The following KCNH5 variants were observed in gnomAD, a reference collection of about 807,000 sequenced individuals.
KCNH5 encodes potassium voltage-gated channel subfamily H member 5, also known as voltage-gated delayed rectifier potassium channel KCNH5.
A neutral mutation model predicts 96.1 loss-of-function variants in KCNH5; 46 were observed. That is an observed-to-expected ratio of 0.48 (90% CI 0.38 to 0.61). The LOEUF is 0.61. Among genes scored for constraint, KCNH5 ranks in the 20% least tolerant of loss-of-function variants. The pLI, the probability that KCNH5 is intolerant of heterozygous loss-of-function variation, is 0.00. For synonymous variants in KCNH5, 439 were observed against 449.8 expected (o/e 0.98, Z 0.30); for missense variants, 907 against 1,225.8 (o/e 0.74, Z 3.88).
chr14:63,030,670 T>C (rs1337362630), intron 1 of KCNH5, among the ~76,000 whole-genome samples: 1 of 152,168 alleles, frequency 6.6e-6, no homozygotes, highest in African/African-American at 2.4e-5. Context: ...GCATCAATAC[T>C]TATTGTTAAG....
At chr14:62,763,280 G>A (rs1250243372) in intron 10 of KCNH5, among the ~76,000 whole-genome samples, 1 of 152,040 alleles carries the variant, frequency 6.6e-6, no homozygotes, top group African/African-American at 2.4e-5. Context: ...TAAACAACCT[G>A]CTCCTGAATA....
rs1339142578 is a variant in KCNH5 at position 62,702,523 on chromosome 14, A to T, written c.*4985T>A. 6.6e-6 allele frequency: 1 copy of T among 152,026 alleles called. No homozygotes were observed. 9.4% of individuals were successfully genotyped at this position (152,026 alleles called of 1,614,324 possible). The stretch of plus-strand genomic sequence containing the variant: ...ATGTAACAAGTATGCCATCCTGGAC[A>T]AGTTCCTTAACCTATACCTTCATGG... On this transcript the variant is annotated 3_prime_UTR_variant, in exon 11 of 11. Coordinates refer to ENST00000322893, the MANE Select transcript of KCNH5 (RefSeq NM_139318.5).
At chr14:62,754,153 T>C (rs1442074039) in intron 10 of KCNH5, among the ~76,000 whole-genome samples, 1 of 152,192 alleles carries the variant, frequency 6.6e-6, no homozygotes, top group East Asian at 1.9e-4. Context: ...TATCTGTTTG[T>C]TTGCAATCAG....
At position 62,950,315 on chromosome 14, in the gene KCNH5, A is replaced by G. The variant is rs369344820; in HGVS notation, c.1187T>C (p.Ile396Thr). 3.7e-6 allele frequency: 6 copies of G among 1,613,884 alleles called. No individual in the cohort carries two copies. Among genetic ancestry groups the G allele is most frequent in the Middle Eastern group, 1.6e-4 (1 of 6,082 alleles). ...DSWLYQLALS[I>T]GTPYRYNTSA... ...GGTATTGTAGCGATATGGAGTCCCAATGCTCAAAGCCAGCTGGTAGAGCCA... is the reference window on the plus strand; with the variant it reads ...GGTATTGTAGCGATATGGAGTCCCAGTGCTCAAAGCCAGCTGGTAGAGCCA... The change falls in exon 7 of 11, where the codon ATT (isoleucine) becomes ACT (threonine). Residue 396 changes from isoleucine to threonine, a missense_variant. By Grantham distance (89) the Ile-to-Thr change is moderately conservative. Around this residue, in one of 6 missense-constraint regions of KCNH5, gnomAD observed 370 missense variants for 561.3 expected, o/e 0.66. Coordinates refer to ENST00000322893, the MANE Select transcript of KCNH5 (RefSeq NM_139318.5).
At chr14:62,923,050 A>T (rs1889408594) in intron 7 of KCNH5, among the ~76,000 whole-genome samples, 1 of 151,942 alleles carries the variant, frequency 6.6e-6, no homozygotes, top group South Asian at 2.1e-4. Context: ...ACAGAAAAAC[A>T]TATATCTTAT....
chr14:62,990,725 G>A (rs1431340507), intron 4 of KCNH5, among the ~76,000 whole-genome samples: 2 of 151,924 alleles, frequency 1.3e-5, no homozygotes, highest in East Asian at 3.9e-4. Context: ...GTATTAGTCC[G>A]TTCTCATGCT....
At chr14:62,924,446 TAATCCAGC>T (rs776792694) in intron 7 of KCNH5, among the ~76,000 whole-genome samples, 51 of 152,092 alleles carry the variant, frequency 3.4e-4, no homozygotes, top group Non-Finnish European at 6.0e-4. Flanking sequence ...AACCACCATA[TAATCCAGC>T]AATCCCACTT....
intron 10 of KCNH5, among the ~76,000 whole-genome samples, chr14:62,778,315 A>G (rs1186680381): frequency 6.7e-6 from 1 of 149,768 alleles, no homozygotes; most frequent in Non-Finnish European, 1.5e-5. Flanking sequence ...AAATAACACA[A>G]ATACTGTATT....
At chr14:62,901,098 C>G (rs1357224557) in intron 7 of KCNH5, among the ~76,000 whole-genome samples, 3 of 152,172 alleles carry the variant, frequency 2.0e-5, no homozygotes, top group South Asian at 2.1e-4. Context: ...AAGCACTACT[C>G]CTGCCTCAGC....
At chr14:62,761,371 A>T (rs2139956131) in intron 10 of KCNH5, among the ~76,000 whole-genome samples, 1 of 151,434 alleles carries the variant, frequency 6.6e-6, no homozygotes, top group East Asian at 2.0e-4. Context: ...AAAAAAAAAA[A>T]AGGATTATGG....
chr14:62,955,790 C>T (rs1011120515), intron 6 of KCNH5, among the ~76,000 whole-genome samples: 1 of 152,182 alleles, frequency 6.6e-6, no homozygotes, highest in African/African-American at 2.4e-5. Flanking sequence ...TCTATATAGT[C>T]TGCAGTTCTC....
chr14:62,783,265 T>G (rs1283592060), intron 9 of KCNH5, among the ~76,000 whole-genome samples: 1 of 152,210 alleles, frequency 6.6e-6, no homozygotes, highest in Non-Finnish European at 1.5e-5. Flanking sequence ...CTCTCTGCGT[T>G]ATGGAACAAT....
At chr14:62,997,015 C>G (rs938720472) in intron 4 of KCNH5, among the ~76,000 whole-genome samples, 1 of 151,992 alleles carries the variant, frequency 6.6e-6, no homozygotes, top group Non-Finnish European at 1.5e-5. Context: ...AGATATAGAC[C>G]ATTGTTAGCT....
intron 7 of KCNH5, among the ~76,000 whole-genome samples, chr14:62,870,579 C>G (rs781032124): frequency 5.3e-5 from 8 of 152,062 alleles, no homozygotes; most frequent in Non-Finnish European, 8.8e-5. Flanking sequence ...ATTTATAAAT[C>G]TAGTTATTTT....
chr14:62,784,968 A>G (rs1886291322), intron 9 of KCNH5, among the ~76,000 whole-genome samples: 1 of 152,248 alleles, frequency 6.6e-6, no homozygotes, highest in South Asian at 2.1e-4. Context: ...AGAAAAGCAT[A>G]GCAAAATTAA....
At chr14:63,006,635 A>C (rs1212646957) in intron 2 of KCNH5, among the ~76,000 whole-genome samples, 163 bp from the exon 3 acceptor site, 3 of 152,230 alleles carry the variant, frequency 2.0e-5, no homozygotes, top group African/African-American at 4.8e-5. Context: ...TGCTTTACAC[A>C]GTTCCTGTAT....
chr14:62,985,415 G>A lies in KCNH5; in HGVS notation c.549+1657C>T, dbSNP rs8010975. ...CCTCCAAACCAGATTCAATATTTAC[G>A]ACAAGTTAAGAAAATTACTCTGAAG... On this transcript the variant is annotated intron_variant, in intron 5 of 10. Coordinates refer to ENST00000322893, the MANE Select transcript of KCNH5 (RefSeq NM_139318.5). Among the ~76,000 whole-genome samples, 663 of 152,160 alleles carry A rather than the reference G, an allele frequency of 4.4e-3. 5 individuals carry two copies. The highest frequency in any genetic ancestry group is 0.014 in the African/African-American group (595 of 41,536).
intron 1 of KCNH5, among the ~76,000 whole-genome samples, chr14:63,025,546 A>G (rs967024575): frequency 2.0e-5 from 3 of 151,960 alleles, no homozygotes; most frequent in Admixed American, 6.6e-5. Context: ...TGAAATCAAC[A>G]TATGAAAAAC....
intron 10 of KCNH5, among the ~76,000 whole-genome samples, chr14:62,720,759 A>C (rs1260625862): frequency 2.6e-5 from 4 of 152,048 alleles, no homozygotes; most frequent in Non-Finnish European, 5.9e-5. Context: ...CAACAACAAC[A>C]CTCTTTTTAG....
Sources: gnomAD v4.1 joint callset for allele counts (sites outside exome capture counted in the v4.1 genomes callset) on GRCh38, gnomAD v4.1.1 for gene constraint, gnomAD v4.1.1 regional missense constraint, MANE v1.5 for transcripts, NCBI Gene and HGNC (gene_info 2026-07-23, HGNC 2026-07-21) for gene names.